XRN1: variants seen among roughly 807,000 people sequenced by gnomAD.
The protein encoded by XRN1 is strand-exchange protein 1 homolog.
A neutral mutation model predicts 222.3 loss-of-function variants in XRN1; 67 were observed. The observed-to-expected ratio is 0.30, with a 90% CI of 0.25 to 0.37. The LOEUF (loss-of-function observed/expected upper bound fraction) is 0.37. Among genes scored for constraint, XRN1 ranks in the 10% least tolerant of loss-of-function variants. XRN1 has a pLI of 1.00. For missense variants in XRN1, 1,707 were observed against 2,000.2 expected (o/e 0.85, Z 2.80); for synonymous variants, 643 against 652.4 (o/e 0.99, Z 0.22).
chr3:142,326,220 T>C (rs2065512401), intron 37 of XRN1, among the ~76,000 whole-genome samples: 1 of 152,004 alleles, frequency 6.6e-6, no homozygotes, highest in Admixed American at 6.6e-5. Context: ...TTGCACTGTA[T>C]CTGCAGATTG....
At chr3:142,410,651 C>A (rs972830229) in intron 15 of XRN1, among the ~76,000 whole-genome samples, 1 of 151,720 alleles carries the variant, frequency 6.6e-6, no homozygotes, top group Non-Finnish European at 1.5e-5. Context: ...CCCACCACCA[C>A]GCCCTGCTAA....
Position 142,359,877 on chromosome 3 carries a change from C to G in XRN1, c.3449G>C (p.Gly1150Ala). ...FEVLFDEEFP[G>A]GLTIRCSPGR... ...AAATACAAACCTTATTGTTAACCCT[C>G]CAGGAAATTCTTCATCAAATAATAC... Residue 1150 changes from glycine (G) to alanine (A), a missense_variant, in exon 30 of 41, where the codon GGA (glycine) becomes GCA (alanine). Transcript: ENST00000392981. 1 of 1,604,830 alleles carries G rather than the reference C, an allele frequency of 6.2e-7. No individual in the cohort carries two copies. The highest frequency in any genetic ancestry group is 8.5e-7 in the Non-Finnish European group (1 of 1,174,082).
At chr3:142,383,195 T>A in intron 22 of XRN1, 105 bp downstream of exon 22, 1 of 898,410 alleles carries the variant, frequency 1.1e-6, no homozygotes, top group Non-Finnish European at 1.7e-6. Context: ...AATTCTTTAT[T>A]TTTTCCCTTC....
At chr3:142,403,524 A>C (rs2068223771) in intron 18 of XRN1, 150 bp downstream of exon 18, 6 of 646,400 alleles carry the variant, frequency 9.3e-6, no homozygotes, top group Non-Finnish European at 1.6e-5. Flanking sequence ...ACTATTATCT[A>C]ATTTGTATGA....
rs1288763596 is a variant in XRN1 at position 142,447,300 on chromosome 3, T to C, written c.75+570A>G. Among the ~76,000 whole-genome samples, 1 of 152,204 alleles carries C rather than the reference T, an allele frequency of 6.6e-6. No individual in the cohort carries two copies. Among genetic ancestry groups the C allele is most frequent in the African/African-American group, 2.4e-5 (1 of 41,452 alleles). ...GTTTTTTGTTTTGGCAACAGGGGATTGGTGCTGCTTTTGAAATAACAGAAA... is the reference window on the plus strand; with the variant it reads ...GTTTTTTGTTTTGGCAACAGGGGATCGGTGCTGCTTTTGAAATAACAGAAA... On this transcript the variant is annotated intron_variant, in intron 1 of 40. Transcript: ENST00000392981. This position sits in a 1 kb window ranked among gnomAD's most constrained non-coding sequence, Gnocchi z 4.2.
At chr3:142,386,547 C>T (rs1373089087) in intron 20 of XRN1, among the ~76,000 whole-genome samples, 1 of 151,958 alleles carries the variant, frequency 6.6e-6, no homozygotes. Flanking sequence ...TAAAAACAAG[C>T]TACAGTGATA....
intron 33 of XRN1, among the ~76,000 whole-genome samples, chr3:142,345,801 T>C (rs1337384190): frequency 6.6e-6 from 1 of 152,222 alleles, no homozygotes; most frequent in Non-Finnish European, 1.5e-5. Context: ...ACATTATTAG[T>C]CATTAATAAA....
rs773903564 is a variant in XRN1 at position 142,418,793 on chromosome 3, A to G, written c.1240+22T>C. 1.6e-5 allele frequency: 26 copies of G among 1,611,814 alleles called. No individual in the cohort carries two copies. In the Admixed American group the frequency reaches 3.5e-4, roughly 22 times the overall value. ...TATCCTGTCAAAGTAGTAACATATC[A>G]AAACACATACTTCATACTTACCCTT... On this transcript the variant is annotated intron_variant, in intron 11 of 40. Transcript: ENST00000392981.
intron 33 of XRN1, among the ~76,000 whole-genome samples, chr3:142,343,779 C>T (rs1165537921): frequency 6.6e-6 from 1 of 152,118 alleles, no homozygotes; most frequent in Non-Finnish European, 1.5e-5. Context: ...AGATTATCTC[C>T]ACTTTCATGT....
chr3:142,394,927 T>C (rs1028231962), intron 20 of XRN1, among the ~76,000 whole-genome samples: 2 of 152,228 alleles, frequency 1.3e-5, no homozygotes, highest in South Asian at 2.1e-4. Flanking sequence ...TTGGTACTTA[T>C]GGAAATATTT....
At chr3:142,335,387 A>C in intron 34 of XRN1, 61 bp downstream of exon 34, 1 of 1,481,370 alleles carries the variant, frequency 6.8e-7, no homozygotes, top group Non-Finnish European at 9.4e-7. Flanking sequence ...GTCCAATGCT[A>C]CAGAGCCACC....
At chr3:142,318,999 G>A in intron 37 of XRN1, 96 bp from the exon 38 acceptor site, 1 of 1,083,570 alleles carries the variant, frequency 9.2e-7, no homozygotes. Flanking sequence ...ATTTTATCAA[G>A]AATTTAAAAA....
At chr3:142,404,664 T>C (rs1482476312) in intron 16 of XRN1, among the ~76,000 whole-genome samples, 2 of 152,046 alleles carry the variant, frequency 1.3e-5, no homozygotes, top group Non-Finnish European at 2.9e-5. Context: ...TCAAACACTT[T>C]TAATAGAAGA....
At chr3:142,421,390 A>G in intron 9 of XRN1, 86 bp downstream of exon 9, 1 of 1,109,024 alleles carries the variant, frequency 9.0e-7, no homozygotes, top group East Asian at 2.6e-5. Flanking sequence ...GAATTATAAA[A>G]CCCCTTTCTT....
At chr3:142,411,976 C>A (rs532819946) in intron 15 of XRN1, among the ~76,000 whole-genome samples, 1 of 152,182 alleles carries the variant, frequency 6.6e-6, no homozygotes, top group East Asian at 1.9e-4. Flanking sequence ...GCGCCCGCCA[C>A]CTTGCCCGGC....
intron 1 of XRN1, among the ~76,000 whole-genome samples, chr3:142,446,798 A>C (rs1200723797): frequency 6.6e-6 from 1 of 152,208 alleles, no homozygotes; most frequent in Non-Finnish European, 1.5e-5. Context: ...AGATAAGCTA[A>C]CCTTGGAAAC....
Position 142,432,654 on chromosome 3 carries a change from G to GT in XRN1, c.308+6dup. On this transcript the variant is annotated splice_region_variant and intron_variant, in intron 2 of 40. Coordinates refer to ENST00000392981, the MANE Select transcript of XRN1 (RefSeq NM_001282857.2). ...TAATATTCCAAAATAAAACATAAATGTTTTACCTAAAACGCCTCCCACGCT... is the reference window on the plus strand; with the variant it reads ...TAATATTCCAAAATAAAACATAAATGTTTTTACCTAAAACGCCTCCCACGCT... The GT allele has an allele frequency of 1.9e-6, 3 of 1,558,286 alleles. No individual in the cohort carries two copies. The highest frequency in any genetic ancestry group is 2.6e-6 in the Non-Finnish European group (3 of 1,150,614).
At chr3:142,435,480 ACTGGGCACGGTGGCTCACAC>A (rs2069843282) in intron 1 of XRN1, 1 of 149,272 alleles carries the variant, frequency 6.7e-6, no homozygotes, top group Admixed American at 6.7e-5. Flanking sequence ...CAAATTTTTG[ACTGGGCACGGTGGCTCACAC>A]CTGTAATCCC....
At position 142,351,973 on chromosome 3, in the gene XRN1, C is replaced by T. The variant is rs1287272973; in HGVS notation, c.3768+3428G>A. ...ACTCCTCTTACCCTTATTTCTAACA[C>T]CACCATTCCTCAGGCATATAATCTA... is the stretch of plus-strand genomic sequence containing the variant. On this transcript the variant is annotated intron_variant, in intron 32 of 40. Coordinates refer to ENST00000392981, the MANE Select transcript of XRN1 (RefSeq NM_001282857.2). Among the ~76,000 whole-genome samples, 11 of 151,430 alleles carry T rather than the reference C, an allele frequency of 7.3e-5. No individual in the cohort carries two copies. The East Asian group carries it at 1.4e-3, about 19-fold the overall frequency.
Sources: allele counts gnomAD v4.1 joint callset (sites outside exome capture counted in the v4.1 genomes callset), GRCh38; gene constraint gnomAD v4.1.1; non-coding constraint Gnocchi (gnomAD v3.1); transcripts MANE v1.5; gene names NCBI Gene and HGNC (gene_info 2026-07-23, HGNC 2026-07-21).